The following PLEKHA1 variants were observed in gnomAD, a reference collection of about 807,000 sequenced individuals.
PLEKHA1 encodes the protein pleckstrin homology domain containing A1.
A neutral mutation model predicts 52.0 loss-of-function variants in PLEKHA1; 34 were observed. The ratio of observed to expected loss-of-function variants is 0.65; its 90% CI spans 0.50 to 0.87. PLEKHA1 has a LOEUF of 0.87. PLEKHA1 is among the 40% of genes least tolerant of loss of function. PLEKHA1 has a pLI of 0.00. For synonymous variants in PLEKHA1, 163 were observed against 170.7 expected (o/e 0.95, Z 0.35); for missense variants, 497 against 504.2 (o/e 0.99, Z 0.14).
At position 122,426,426 on chromosome 10, in the gene PLEKHA1, C is replaced by T. The variant is rs140596182; in HGVS notation, c.811-516C>T. On this transcript the variant is annotated intron_variant, in intron 10 of 11. Coordinates refer to ENST00000368990, the MANE Select transcript of PLEKHA1 (RefSeq NM_001001974.4). ...AACAAGAGGCAGTATCTCTGCACCC[C>T]GATTGGGGCCTTATTTAATTGGATT... 7.5e-4 allele frequency among the ~76,000 whole-genome samples: 114 copies of T among 152,002 alleles called. 2 individuals are homozygous for T. The East Asian group carries it at 0.02, about 26-fold the overall frequency.
intron 10 of PLEKHA1, 125 bp from the exon 11 acceptor site, chr10:122,426,817 A>G (rs756247233): frequency 5.8e-6 from 5 of 865,720 alleles, no homozygotes; most frequent in South Asian, 1.9e-5. Context: ...AATTTTTTGG[A>G]AACAGTTGCC....
At chr10:122,396,701 T>C (rs1260808671) in intron 2 of PLEKHA1, among the ~76,000 whole-genome samples, 1 of 152,096 alleles carries the variant, frequency 6.6e-6, no homozygotes, top group Non-Finnish European at 1.5e-5. Flanking sequence ...GTTGAAAAGT[T>C]GATCCTGTCT....
rs1469353914 is a variant in PLEKHA1, at chr10:122,429,672, A to C, written c.949A>C (p.Asn317His). 5 of 1,613,960 alleles carry C rather than the reference A, an allele frequency of 3.1e-6. No individual in the cohort carries two copies. Among genetic ancestry groups the C allele is most frequent in the Non-Finnish European group, 4.2e-6 (5 of 1,180,004 alleles). The change falls in exon 12 of 12, where the codon AAC becomes CAC. Residue 317 changes from asparagine (N) to histidine (H), a missense_variant. By Grantham distance (68) the Asn-to-His change is moderately conservative. Coordinates refer to ENST00000368990, the MANE Select transcript of PLEKHA1 (RefSeq NM_001001974.4). ...SESKHAFRPT[N>H]AATATSHSTA... ...ATCCAAACACGCTTTCCGTCCTACCAACGCAGCCACCGCCACCTCACATTC... is the reference window on the plus strand; with the variant it reads ...ATCCAAACACGCTTTCCGTCCTACCCACGCAGCCACCGCCACCTCACATTC...
intron 3 of PLEKHA1, among the ~76,000 whole-genome samples, chr10:122,398,676 C>T (rs939253995): frequency 2.0e-5 from 3 of 151,258 alleles, no homozygotes; most frequent in African/African-American, 4.9e-5. Flanking sequence ...ATATGAGATG[C>T]AAAAGGTAGC....
chr10:122,394,461 G>A (rs1319565042), intron 2 of PLEKHA1, among the ~76,000 whole-genome samples: 1 of 152,076 alleles, frequency 6.6e-6, no homozygotes, highest in Non-Finnish European at 1.5e-5. Context: ...TGCAAAGCAA[G>A]GGATGAATCT....
At chr10:122,396,532 G>A (rs1439842369) in intron 2 of PLEKHA1, among the ~76,000 whole-genome samples, 1 of 152,022 alleles carries the variant, frequency 6.6e-6, no homozygotes, top group Non-Finnish European at 1.5e-5. Flanking sequence ...CAATATATAG[G>A]TGTGAAAGTT....
At chr10:122,412,819 C>A in intron 5 of PLEKHA1, 101 bp from the exon 6 acceptor site, 1 of 1,293,948 alleles carries the variant, frequency 7.7e-7, no homozygotes, top group Non-Finnish European at 1.1e-6. Context: ...ATGTATCTGT[C>A]AACCGTATGC....
chr10:122,378,604 C>T (rs188749012), intron 1 of PLEKHA1, among the ~76,000 whole-genome samples: 113 of 152,010 alleles, frequency 7.4e-4, no homozygotes, highest in African/African-American at 2.6e-3. Context: ...GGCGTGGTGG[C>T]ATGTGCCTGT....
chr10:122,393,146 A>T lies in PLEKHA1; in HGVS notation c.-20-35A>T. ...TCCATGAGAAATACTTTCCTGTTTC[A>T]TAGGGAGCTTACTGTTAATATTTTT... On this transcript the variant is annotated intron_variant, in intron 1 of 11. Transcript: ENST00000368990. This position sits in a 1 kb window ranked among gnomAD's most constrained non-coding sequence, Gnocchi z 4.5. 2 of 1,512,782 alleles carry T rather than the reference A, an allele frequency of 1.3e-6. No homozygotes were observed. Among genetic ancestry groups the T allele is most frequent in the Non-Finnish European group, 1.8e-6 (2 of 1,125,764 alleles). 93.7% of individuals were successfully genotyped at this position (1,512,782 alleles called of 1,614,324 possible).
downstream of PLEKHA1, chr10:122,433,855 A>G (rs1475181403): frequency 6.6e-6 from 1 of 152,208 alleles, no homozygotes; most frequent in African/African-American, 2.4e-5. Context: ...AGCATTTAGT[A>G]TTTGGTTCTA....
chr10:122,382,511 A>G (rs1435829965), intron 1 of PLEKHA1, among the ~76,000 whole-genome samples: 1 of 152,244 alleles, frequency 6.6e-6, no homozygotes, highest in Non-Finnish European at 1.5e-5. Flanking sequence ...AATTAGTAAC[A>G]AAACTGTGGG....
chr10:122,385,811 A>T (rs1448919329), intron 1 of PLEKHA1, among the ~76,000 whole-genome samples: 1 of 152,160 alleles, frequency 6.6e-6, no homozygotes, highest in Non-Finnish European at 1.5e-5. Flanking sequence ...ATGTATCAAT[A>T]GTTTGTTCCT....
intron 4 of PLEKHA1, among the ~76,000 whole-genome samples, chr10:122,405,587 C>T (rs1403220785): frequency 6.6e-6 from 1 of 151,236 alleles, no homozygotes; most frequent in East Asian, 1.9e-4. Context: ...AAACAGCACA[C>T]TAGATATTTC....
chr10:122,392,095 T>A (rs2096784136), intron 1 of PLEKHA1, among the ~76,000 whole-genome samples: 1 of 152,170 alleles, frequency 6.6e-6, no homozygotes, highest in Admixed American at 6.5e-5. Flanking sequence ...CAAGAAGGAA[T>A]CACATGTCTG....
intron 2 of PLEKHA1, among the ~76,000 whole-genome samples, chr10:122,396,232 A>C (rs2096847481): frequency 6.6e-6 from 1 of 152,134 alleles, no homozygotes; most frequent in Admixed American, 6.5e-5. Flanking sequence ...AAAACTGAAA[A>C]GAAATAAATT....
downstream of PLEKHA1, chr10:122,433,259 T>C (rs1339212364): frequency 5.3e-5 from 8 of 152,242 alleles, no homozygotes; most frequent in African/African-American, 1.9e-4. Flanking sequence ...CCTGAAAAGC[T>C]GAATGACGAC....
At chr10:122,417,652 A>AG in intron 7 of PLEKHA1, among the ~76,000 whole-genome samples, 1 of 151,894 alleles carries the variant, frequency 6.6e-6, no homozygotes, top group South Asian at 2.1e-4. Flanking sequence ...TCTCAAAAAA[A>AG]AAAAAAAAAA....
rs145183269 is a variant in PLEKHA1 at position 122,376,287 on chromosome 10, A to G, written c.-21+1481A>G. Reference sequence around the variant, plus strand: ...ATATTTCCCCTAGTGGAGTTAAAGTATTTTTTATCTTGGCCAATTTTCCCA... The same window carrying G: ...ATATTTCCCCTAGTGGAGTTAAAGTGTTTTTTATCTTGGCCAATTTTCCCA... On this transcript the variant is annotated intron_variant, in intron 1 of 11. Coordinates refer to ENST00000368990, the MANE Select transcript of PLEKHA1 (RefSeq NM_001001974.4). 4.0e-3 allele frequency among the ~76,000 whole-genome samples: 610 copies of G among 152,102 alleles called. 3 individuals carry two copies. Among genetic ancestry groups the G allele is most frequent in the African/African-American group, 0.014 (578 of 41,534 alleles).
At chr10:122,409,423 C>G (rs2097073410) in intron 5 of PLEKHA1, among the ~76,000 whole-genome samples, 1 of 151,898 alleles carries the variant, frequency 6.6e-6, no homozygotes, top group African/African-American at 2.4e-5. Context: ...TTCCACTGTT[C>G]ATTTATAGTG....
Sources: gnomAD v4.1 joint callset for allele counts (sites outside exome capture counted in the v4.1 genomes callset) on GRCh38, gnomAD v4.1.1 for gene constraint, Gnocchi (gnomAD v3.1) non-coding constraint, MANE v1.5 for transcripts, NCBI Gene and HGNC (gene_info 2026-07-23, HGNC 2026-07-21) for gene names.